DCC: variants seen among roughly 807,000 people sequenced by gnomAD.
The protein encoded by DCC is netrin receptor DCC.
In DCC, 58 loss-of-function variants were observed where a neutral mutation model predicts 172.5. The observed-to-expected ratio is 0.34, with a 90% CI of 0.27 to 0.42. The LOEUF is 0.42. Ranked by LOEUF, DCC falls within the 10% of genes least tolerant of loss-of-function variation. DCC has a pLI of 1.00. For synonymous variants in DCC, 709 were observed against 644.5 expected (o/e 1.10, Z -1.52); for missense variants, 1,740 against 1,791.0 (o/e 0.97, Z 0.51).
At chr18:52,618,303 T>A (rs1031152787) in intron 1 of DCC, among the ~76,000 whole-genome samples, 3 of 152,036 alleles carry the variant, frequency 2.0e-5, no homozygotes, top group Non-Finnish European at 4.4e-5. Context: ...AATTTGTTTT[T>A]AAAAAAAACA....
intron 1 of DCC, among the ~76,000 whole-genome samples, chr18:52,497,300 TATATATATATATATACAC>T (rs1164545595): frequency 3.8e-5 from 3 of 78,576 alleles, no homozygotes; most frequent in African/African-American, 1.3e-4. Flanking sequence ...TATATATATA[TATATATATATATATACAC>T]ACACACATAT....
chr18:52,525,878 A>T (rs1212642941), intron 1 of DCC, among the ~76,000 whole-genome samples: 1 of 152,192 alleles, frequency 6.6e-6, no homozygotes, highest in Non-Finnish European at 1.5e-5. Flanking sequence ...TATTTGAGTT[A>T]TGTTATCTTT....
chr18:53,200,892 T>G (rs538091226), intron 9 of DCC, among the ~76,000 whole-genome samples: 1 of 152,134 alleles, frequency 6.6e-6, no homozygotes, highest in Non-Finnish European at 1.5e-5. Context: ...GCAGCTTCTC[T>G]TCCGTGCCAC....
chr18:52,683,370 T>A (rs997128122), intron 1 of DCC, among the ~76,000 whole-genome samples: 4 of 152,152 alleles, frequency 2.6e-5, no homozygotes, highest in African/African-American at 9.7e-5. Flanking sequence ...TAATCCTGTT[T>A]ACCAGGCTAG....
chr18:53,411,103 T>C (rs1454144468), intron 20 of DCC, among the ~76,000 whole-genome samples: 5 of 149,096 alleles, frequency 3.4e-5, no homozygotes, highest in African/African-American at 1.2e-4. Flanking sequence ...AAAGTCTATT[T>C]ATTGTAAAGA....
intron 5 of DCC, among the ~76,000 whole-genome samples, chr18:53,009,578 C>T (rs1347527124): frequency 6.6e-6 from 1 of 151,594 alleles, no homozygotes; most frequent in African/African-American, 2.4e-5. Flanking sequence ...TTTTTTTAGG[C>T]CATATGTTGG....
chr18:53,005,391 G>A (rs1282378893), intron 5 of DCC, among the ~76,000 whole-genome samples: 2 of 152,072 alleles, frequency 1.3e-5, no homozygotes, highest in African/African-American at 2.4e-5. Context: ...ATTACGTCAG[G>A]TAACACACTG....
chr18:52,507,324 A>C (rs2031267713), intron 1 of DCC, among the ~76,000 whole-genome samples: 1 of 152,208 alleles, frequency 6.6e-6, no homozygotes, highest in South Asian at 2.1e-4. Flanking sequence ...TCCGAGTCAA[A>C]TATATTAACA....
At chr18:52,501,820 A>T (rs1026895417) in intron 1 of DCC, among the ~76,000 whole-genome samples, 1 of 152,194 alleles carries the variant, frequency 6.6e-6, no homozygotes. Flanking sequence ...GATAGAAAAC[A>T]GACTAAGGTA....
intron 1 of DCC, among the ~76,000 whole-genome samples, chr18:52,581,519 G>A (rs1372431910): frequency 1.3e-5 from 2 of 152,144 alleles, no homozygotes; most frequent in Admixed American, 1.3e-4. Context: ...CAATTCAGGG[G>A]TGAGTGACAG....
At chr18:52,519,538 A>G (rs1167874257) in intron 1 of DCC, among the ~76,000 whole-genome samples, 1 of 152,200 alleles carries the variant, frequency 6.6e-6, no homozygotes, top group Non-Finnish European at 1.5e-5. Context: ...ATAAGTTGCA[A>G]TGAGGGACAG....
chr18:52,975,398 G>A (rs1309892234), intron 5 of DCC, among the ~76,000 whole-genome samples: 2 of 152,000 alleles, frequency 1.3e-5, no homozygotes, highest in Non-Finnish European at 1.5e-5. Context: ...GTACTCGTGC[G>A]GGTTTGTTGC....
chr18:53,029,317 A>T (rs1271552192), intron 5 of DCC, among the ~76,000 whole-genome samples: 1 of 152,200 alleles, frequency 6.6e-6, no homozygotes, highest in African/African-American at 2.4e-5. Flanking sequence ...CTATTGCTTC[A>T]TTAGAACAGT....
At chr18:52,663,010 C>T (rs925543892) in intron 1 of DCC, among the ~76,000 whole-genome samples, 5 of 152,088 alleles carry the variant, frequency 3.3e-5, no homozygotes, top group African/African-American at 1.2e-4. Flanking sequence ...TAGGGGAAAA[C>T]AAACATTCAG....
At chr18:53,067,200 A>G (rs1428671243) in intron 7 of DCC, among the ~76,000 whole-genome samples, 1 of 152,034 alleles carries the variant, frequency 6.6e-6, no homozygotes, top group Non-Finnish European at 1.5e-5. Context: ...AGTCTTTTGG[A>G]AGCTTAATAT....
chr18:53,471,713 C>G (rs959190066), intron 25 of DCC, among the ~76,000 whole-genome samples: 1 of 152,170 alleles, frequency 6.6e-6, no homozygotes, highest in South Asian at 2.1e-4. Context: ...TCTTTGGAAT[C>G]TCTTTTTGTA....
At chr18:52,622,970 A>G (rs2034508199) in intron 1 of DCC, among the ~76,000 whole-genome samples, 1 of 152,162 alleles carries the variant, frequency 6.6e-6, no homozygotes, top group Non-Finnish European at 1.5e-5. Context: ...TCAAACTAAA[A>G]CATAGGGGCT....
At chr18:52,705,436 CT>C (rs2145044166) in intron 1 of DCC, among the ~76,000 whole-genome samples, 1 of 152,318 alleles carries the variant, frequency 6.6e-6, no homozygotes, top group South Asian at 2.1e-4. Context: ...AATGTTGCTG[CT>C]TGTGCAAAAC....
At chr18:52,404,179 C>T (rs1986547179) in intron 1 of DCC, among the ~76,000 whole-genome samples, 1 of 151,916 alleles carries the variant, frequency 6.6e-6, no homozygotes, top group Non-Finnish European at 1.5e-5. Context: ...ATTAATATTT[C>T]CCTGAACTCT....
Sources: gnomAD v4.1 joint callset for allele counts (sites outside exome capture counted in the v4.1 genomes callset) on GRCh38, gnomAD v4.1.1 for gene constraint, MANE v1.5 for transcripts, NCBI Gene and HGNC (gene_info 2026-07-23, HGNC 2026-07-21) for gene names.